TCF12: variants seen among roughly 807,000 people sequenced by gnomAD.
The protein encoded by TCF12 is transcription factor 12, also known as DNA-binding protein HTF4.
A neutral mutation model predicts 86.0 loss-of-function variants in TCF12; 45 were observed. That is an observed-to-expected ratio of 0.52 (90% confidence interval 0.41 to 0.67). The LOEUF is 0.67. TCF12 is among the 30% of genes least tolerant of loss of function. The pLI, the probability that TCF12 is intolerant of heterozygous loss-of-function variation, is 0.00. For missense variants in TCF12, 881 were observed against 859.9 expected (o/e 1.02, Z -0.31); for synonymous variants, 330 against 299.6 (o/e 1.10, Z -1.05).
intron 3 of TCF12, among the ~76,000 whole-genome samples, chr15:57,021,477 A>G (rs750012854): frequency 1.3e-5 from 2 of 152,214 alleles, no homozygotes; most frequent in Non-Finnish European, 2.9e-5. Flanking sequence ...TAGCATACAG[A>G]TGTGGGTCAG....
At chr15:56,991,583 C>T (rs548963518) in intron 3 of TCF12, among the ~76,000 whole-genome samples, 1 of 152,076 alleles carries the variant, frequency 6.6e-6, no homozygotes, top group Non-Finnish European at 1.5e-5. Flanking sequence ...GGAAAATGTC[C>T]TTTTTAGTCT....
chr15:57,170,509 A>G (rs751939146), intron 6 of TCF12, among the ~76,000 whole-genome samples: 13 of 148,540 alleles, frequency 8.8e-5, no homozygotes, highest in Non-Finnish European at 1.0e-4. Context: ...CAAAAAATAA[A>G]TACATAATAT....
At chr15:57,016,944 C>G (rs1189712992) in intron 3 of TCF12, among the ~76,000 whole-genome samples, 1 of 152,186 alleles carries the variant, frequency 6.6e-6, no homozygotes, top group Non-Finnish European at 1.5e-5. Flanking sequence ...TGTAAACGCA[C>G]TGGGCATGCA....
chr15:57,254,981 C>T (rs2060284121), intron 16 of TCF12, among the ~76,000 whole-genome samples: 1 of 151,692 alleles, frequency 6.6e-6, no homozygotes, highest in Non-Finnish European at 1.5e-5. Flanking sequence ...AATGTGAATG[C>T]AGAATAACTT....
intron 18 of TCF12, among the ~76,000 whole-genome samples, chr15:57,265,937 T>A (rs1443864382): frequency 6.6e-6 from 1 of 152,192 alleles, no homozygotes. Flanking sequence ...ACCACTGTCA[T>A]GTATGTAGTC....
intron 4 of TCF12, among the ~76,000 whole-genome samples, chr15:57,089,719 C>A (rs900603042): frequency 9.9e-5 from 15 of 151,798 alleles, no homozygotes; most frequent in African/African-American, 3.4e-4. Context: ...GTAGCTGTTC[C>A]GCAAGCACAT....
chr15:57,013,397 A>G (rs1343564900), intron 3 of TCF12, among the ~76,000 whole-genome samples: 1 of 152,100 alleles, frequency 6.6e-6, no homozygotes, highest in Admixed American at 6.5e-5. Flanking sequence ...TGCAACCTCC[A>G]CTTCCCAGGT....
At chr15:57,039,844 A>G (rs1815272611) in intron 3 of TCF12, among the ~76,000 whole-genome samples, 1 of 152,220 alleles carries the variant, frequency 6.6e-6, no homozygotes, top group African/African-American at 2.4e-5. Context: ...CTGACACAGT[A>G]ACTACCACTT....
At chr15:57,000,025 CTAAACTT>C (rs1381898055) in intron 3 of TCF12, among the ~76,000 whole-genome samples, 2 of 151,020 alleles carry the variant, frequency 1.3e-5, no homozygotes, top group African/African-American at 4.9e-5. Context: ...TAATCAAATG[CTAAACTT>C]TCTCATTTTT....
chr15:56,938,036 GTTTCT>G (rs1379133185), intron 3 of TCF12, among the ~76,000 whole-genome samples: 4 of 33,774 alleles, frequency 1.2e-4, no homozygotes, highest in Admixed American at 2.7e-4. Flanking sequence ...TTTTTTTTTC[GTTTCT>G]TTTCTTTTTT....
At chr15:56,998,604 A>T (rs2063841778) in intron 3 of TCF12, among the ~76,000 whole-genome samples, 1 of 152,324 alleles carries the variant, frequency 6.6e-6, no homozygotes, top group Admixed American at 6.5e-5. Flanking sequence ...GAAGACTTCA[A>T]AATTCTTTTC....
At chr15:57,147,353 C>T (rs1195100941) in intron 5 of TCF12, among the ~76,000 whole-genome samples, 1 of 152,106 alleles carries the variant, frequency 6.6e-6, no homozygotes, top group East Asian at 1.9e-4. Flanking sequence ...ATATTTATTT[C>T]CTTAGTTGTA....
intron 5 of TCF12, among the ~76,000 whole-genome samples, chr15:57,117,386 ATCT>A (rs1165999515): frequency 1.3e-5 from 2 of 152,190 alleles, no homozygotes; most frequent in East Asian, 3.8e-4. Context: ...GGATCTTAAC[ATCT>A]TCTTTACTAG....
Position 57,286,167 on chromosome 15 carries a change from A to G in TCF12, c.*22A>G, listed in dbSNP as rs1424240363. 3 of 163,912 alleles carry G rather than the reference A, an allele frequency of 1.8e-5. No homozygotes were observed. The highest frequency in any genetic ancestry group is 4.0e-5 in the Non-Finnish European group (3 of 74,604). The allele number at this position is 163,912 out of a possible 1,614,324, so 10.2% of individuals were successfully genotyped here. A position where few individuals can be genotyped will look rare whatever the true frequency, so the allele number is the denominator to read the frequency against. On this transcript the variant is annotated 3_prime_UTR_variant, in exon 21 of 21. Coordinates refer to ENST00000333725, the MANE Select transcript of TCF12 (RefSeq NM_207037.2). Reference sequence around the variant, plus strand: ...CTGTCCCTGCCACAGTTCCAGAGTTATCAGTAGGCTAGATAGAAGGTGACC... The same window carrying G: ...CTGTCCCTGCCACAGTTCCAGAGTTGTCAGTAGGCTAGATAGAAGGTGACC...
In TCF12 at chr15:57,262,128, A is replaced by G. The variant is rs1397614732; in HGVS notation, c.1502A>G (p.Asn501Ser). The stretch of plus-strand genomic sequence containing the variant: ...CATCGGGAAGACTCTGTCAGTCTCA[A>G]TGGCAATCATTCAGTCCTGTCTAGT... ...GTHREDSVSL[N>S]GNHSVLSSTV... Residue 501 changes from asparagine (N) to serine (S), a missense_variant, in exon 17 of 21, where the codon AAT becomes AGT. Physicochemically the swap from Asn to Ser is conservative, Grantham distance 46. This residue lies in a region of TCF12 where 766 missense variants were observed against 718.9 expected (regional missense o/e 1.07). Coordinates refer to ENST00000333725, the MANE Select transcript of TCF12 (RefSeq NM_207037.2). 14 of 1,613,458 alleles carry G rather than the reference A, an allele frequency of 8.7e-6. No homozygotes were observed. The highest frequency in any genetic ancestry group is 1.7e-5 in the Admixed American group (1 of 59,952).
intron 16 of TCF12, among the ~76,000 whole-genome samples, chr15:57,258,228 C>T (rs1236651742): frequency 1.3e-5 from 2 of 151,764 alleles, no homozygotes; most frequent in African/African-American, 2.4e-5. Flanking sequence ...TCCAGTGAGC[C>T]GTGATCACAC....
chr15:57,230,593 G>T (rs2059090912), intron 8 of TCF12, among the ~76,000 whole-genome samples: 1 of 152,026 alleles, frequency 6.6e-6, no homozygotes, highest in South Asian at 2.1e-4. Context: ...AAGTGTACTG[G>T]AAATGTGTTT....
At chr15:57,029,791 A>G (rs971162311) in intron 3 of TCF12, among the ~76,000 whole-genome samples, 2 of 138,030 alleles carry the variant, frequency 1.4e-5, no homozygotes, top group African/African-American at 5.5e-5. Flanking sequence ...CTGTAGTTTT[A>G]TCTTGTTGGA....
At chr15:57,088,661 G>T (rs1477635243) in intron 4 of TCF12, among the ~76,000 whole-genome samples, 1 of 151,914 alleles carries the variant, frequency 6.6e-6, no homozygotes, top group African/African-American at 2.4e-5. Context: ...AGTTGTGTAA[G>T]TTCTTGCTAC....
Sources: allele counts gnomAD v4.1 joint callset (sites outside exome capture counted in the v4.1 genomes callset), GRCh38; gene constraint gnomAD v4.1.1; regional missense constraint gnomAD v4.1.1; transcripts MANE v1.5; gene names NCBI Gene and HGNC (gene_info 2026-07-23, HGNC 2026-07-21).